PALM2AKAP2: variants seen among roughly 807,000 people sequenced by gnomAD.
The protein encoded by PALM2AKAP2 is PALM2 and AKAP2 fusion, also known as PALM2-AKAP2 fusion protein.
Under a neutral mutation model 71.5 loss-of-function variants are expected in PALM2AKAP2, and 37 were observed. The ratio of observed to expected loss-of-function variants is 0.52; its 90% CI spans 0.40 to 0.68. The LOEUF is 0.68. PALM2AKAP2 is among the 30% of genes least tolerant of loss of function. The pLI is 0.00. For synonymous variants in PALM2AKAP2, 468 were observed against 478.8 expected, an observed-to-expected ratio of 0.98 and a Z score of 0.29; for missense variants, 1,224 against 1,191.8, an observed-to-expected ratio of 1.03 and a Z score of -0.40.
At chr9:109,720,845 T>G (rs1828394318) in intron 1 of PALM2AKAP2, among the ~76,000 whole-genome samples, 1 of 152,256 alleles carries the variant, frequency 6.6e-6, no homozygotes, top group African/African-American at 2.4e-5. Context: ...GAATGTTTAC[T>G]GAGCACTTAC....
intron 2 of PALM2AKAP2, among the ~76,000 whole-genome samples, chr9:110,152,298 A>G (rs1836337116): frequency 6.6e-6 from 1 of 152,168 alleles, no homozygotes; most frequent in South Asian, 2.1e-4. Flanking sequence ...GGATGGCAGG[A>G]TGTTCTCATT....
At chr9:109,961,423 T>A (rs1203608494) in intron 6 of PALM2AKAP2, among the ~76,000 whole-genome samples, 1 of 152,186 alleles carries the variant, frequency 6.6e-6, no homozygotes, top group African/African-American at 2.4e-5. Flanking sequence ...GTAGCTGGGA[T>A]CATGGAGCAG....
upstream of PALM2AKAP2, among the ~76,000 whole-genome samples, chr9:109,777,808 G>A (rs1040784156): frequency 2.0e-5 from 3 of 151,962 alleles, no homozygotes; most frequent in South Asian, 2.1e-4. Context: ...TCTACTTCTC[G>A]GATGATACTT....
At chr9:109,888,071 G>A (rs2131798405) in intron 3 of PALM2AKAP2, among the ~76,000 whole-genome samples, 1 of 152,228 alleles carries the variant, frequency 6.6e-6, no homozygotes, top group South Asian at 2.1e-4. Flanking sequence ...GTTTCATTTT[G>A]GGCTTGGCTC....
intron 5 of PALM2AKAP2, among the ~76,000 whole-genome samples, chr9:109,929,887 A>AAAT (rs768243071): frequency 9.7e-5 from 14 of 143,702 alleles, no homozygotes; most frequent in Non-Finnish European, 1.4e-4. Flanking sequence ...AAAAAAAAAA[A>AAAT]GAGAGAGAAT....
chr9:109,962,338 G>C (rs1180858979), intron 6 of PALM2AKAP2, among the ~76,000 whole-genome samples: 1 of 152,182 alleles, frequency 6.6e-6, no homozygotes, highest in African/African-American at 2.4e-5. Context: ...CCTAAGAATG[G>C]TATGAAGTAG....
chr9:109,938,422 T>C (rs1162602982), intron 6 of PALM2AKAP2, among the ~76,000 whole-genome samples: 1 of 152,164 alleles, frequency 6.6e-6, no homozygotes, highest in African/African-American at 2.4e-5. Context: ...TTAAGTGTGA[T>C]TTGTGGTTCC....
chr9:109,693,901 T>G (rs1827931534), intron 1 of PALM2AKAP2, among the ~76,000 whole-genome samples: 1 of 152,072 alleles, frequency 6.6e-6, no homozygotes, highest in African/African-American at 2.4e-5. Flanking sequence ...CATTCTACAT[T>G]CTGCCAGTTC....
chr9:109,840,142 G>A (rs1207903075), intron 1 of PALM2AKAP2, among the ~76,000 whole-genome samples: 2 of 152,208 alleles, frequency 1.3e-5, no homozygotes, highest in Non-Finnish European at 2.9e-5. Context: ...AACCAAAACA[G>A]CAATGGTACT....
intron 1 of PALM2AKAP2, among the ~76,000 whole-genome samples, chr9:110,116,153 A>G (rs1415299750): frequency 6.6e-6 from 1 of 152,198 alleles, no homozygotes; most frequent in Non-Finnish European, 1.5e-5. Flanking sequence ...AATCCCATAC[A>G]TAATCAGTAT....
At chr9:109,757,217 G>A (rs554077580) in intron 1 of PALM2AKAP2, among the ~76,000 whole-genome samples, 14 of 152,148 alleles carry the variant, frequency 9.2e-5, no homozygotes, top group Non-Finnish European at 1.3e-4. Context: ...GAAAATGCAA[G>A]ATATGCCTTT....
intron 1 of PALM2AKAP2, among the ~76,000 whole-genome samples, chr9:110,055,797 G>A (rs774668398): frequency 6.6e-6 from 1 of 152,178 alleles, no homozygotes; most frequent in Non-Finnish European, 1.5e-5. Context: ...TTGGTTGAGT[G>A]TAGGGTTTCG....
At chr9:109,958,461 T>A (rs1315924904) in intron 6 of PALM2AKAP2, among the ~76,000 whole-genome samples, 4 of 152,182 alleles carry the variant, frequency 2.6e-5, no homozygotes, top group African/African-American at 9.6e-5. Context: ...AAGTCATTTT[T>A]CCTCTCTTGG....
At chr9:110,035,588 CAT>C (rs777580881) in intron 7 of PALM2AKAP2, among the ~76,000 whole-genome samples, 57 of 112,252 alleles carry the variant, frequency 5.1e-4, no homozygotes, top group Non-Finnish European at 7.0e-4. Flanking sequence ...TTATATATAA[CAT>C]ATATAGGATA....
chr9:109,834,799 G>T (rs1261843911), intron 1 of PALM2AKAP2, among the ~76,000 whole-genome samples: 1 of 152,238 alleles, frequency 6.6e-6, no homozygotes, highest in Middle Eastern at 3.4e-3. Context: ...AGCAAACATG[G>T]TCTTAGAGCC....
chr9:109,778,335 C>G (rs944922683), upstream of PALM2AKAP2, among the ~76,000 whole-genome samples: 2 of 152,184 alleles, frequency 1.3e-5, no homozygotes, highest in Non-Finnish European at 2.9e-5. Context: ...TTCAACCTCT[C>G]TGGTCTCATT....
rs142363722 is a variant in PALM2AKAP2 at position 109,823,677 on chromosome 9, T to G, written c.45+43144T>G. On this transcript the variant is annotated intron_variant, in intron 1 of 9. Transcript: ENST00000302798. ...TGCCTTGCAGAGAGTTGGCTCTCCC[T>G]GTTACTGTGGGAAATCCAAGGGGTC... Among the ~76,000 whole-genome samples, 214 of 152,248 alleles carry G rather than the reference T, an allele frequency of 1.4e-3. 2 individuals are homozygous for G. Among genetic ancestry groups the G allele is most frequent in the East Asian group, 0.013 (69 of 5,172 alleles).
intron 1 of PALM2AKAP2, among the ~76,000 whole-genome samples, chr9:109,642,834 C>T (rs1191050753): frequency 6.7e-6 from 1 of 148,574 alleles, no homozygotes; most frequent in Non-Finnish European, 1.5e-5. Context: ...TGTGAGCCAC[C>T]ATGCCCAGTC....
At chr9:110,024,752 C>A in intron 7 of PALM2AKAP2, 1 of 605,532 alleles carries the variant, frequency 1.7e-6, no homozygotes, top group East Asian at 2.8e-5. Flanking sequence ...TCACTGCACT[C>A]TATCCTGGGT....
Sources: gnomAD v4.1 joint callset for allele counts (sites outside exome capture counted in the v4.1 genomes callset) on GRCh38, gnomAD v4.1.1 for gene constraint, MANE v1.5 for transcripts, NCBI Gene and HGNC (gene_info 2026-07-23, HGNC 2026-07-21) for gene names.